LIF: variants seen among roughly 807,000 people sequenced by gnomAD.
LIF encodes leukemia inhibitory factor.
LIF carries 9 observed loss-of-function variants against 15.0 expected under a neutral mutation model. The ratio of observed to expected loss-of-function variants is 0.60; its 90% CI spans 0.36 to 1.04. The LOEUF (loss-of-function observed/expected upper bound fraction) is 1.04, where lower values mean the gene tolerates loss of function less well. Among genes scored for constraint, LIF ranks in the 50% least tolerant of loss-of-function variants. The probability of loss-of-function intolerance (pLI) is 0.01; values close to 1 mark genes in which losing one functional copy is unlikely to be tolerated. For synonymous variants in LIF, 122 were observed against 119.7 expected, an observed-to-expected ratio of 1.02 and a Z score of -0.13; for missense variants, 240 against 266.7, an observed-to-expected ratio of 0.90 and a Z score of 0.70.
At position 30,243,737 on chromosome 22, in the gene LIF, T is replaced by A; in HGVS notation, c.523A>T (p.Lys175Ter). The A allele has an allele frequency of 6.2e-7, 1 of 1,614,238 alleles. No homozygotes were observed. The highest frequency in any genetic ancestry group is 8.5e-7 in the Non-Finnish European group (1 of 1,180,038). The change falls in exon 3 of 3, where the codon AAG (lysine) becomes TAG (stop). Residue 175 changes from lysine to a stop codon, truncating the protein, a stop_gained. Coordinates refer to ENST00000249075, the MANE Select transcript of LIF (RefSeq NM_002309.5). LOFTEE classifies it high-confidence loss of function. The surrounding 1 kb of genome is among the most constrained non-coding windows in gnomAD (Gnocchi z 6.0). The part of the protein sequence containing the change: ...DVTYGPDTSG[K>*]DVFQKKKLGC... ...AGCTTCTTCTTCTGGAAGACATCCTTACCCGAGGTGTCAGGGCCGTAGGTC... is the reference window on the plus strand; with the variant it reads ...AGCTTCTTCTTCTGGAAGACATCCTAACCCGAGGTGTCAGGGCCGTAGGTC...
In LIF at chr22:30,244,875, G is replaced by A. The variant is rs759268992; in HGVS notation, c.78C>T (p.Pro26=). The A allele has an allele frequency of 1.9e-6, 3 of 1,614,076 alleles. No homozygotes were observed. The highest frequency in any genetic ancestry group is 3.3e-5 in the Admixed American group (2 of 60,016). The change falls in exon 2 of 3, where the codon CCC becomes CCT. Residue 26 remains proline, a synonymous_variant. Coordinates refer to ENST00000249075, the MANE Select transcript of LIF (RefSeq NM_002309.5). ...HWKHGAGSPL[P]ITPVNATCAI... is the part of the protein sequence containing the mutation. Reference sequence around the variant, plus strand: ...CACAGGTGGCGTTGACAGGGGTGATGGGGAGGGGGCTCCCCGCCCCATGTT... The same window carrying A: ...CACAGGTGGCGTTGACAGGGGTGATAGGGAGGGGGCTCCCCGCCCCATGTT...
rs759770301 is a variant in LIF, at chr22:30,243,981, G to A, written c.279C>T (p.His93=). ...GCTTGGCCTTCTCCGTGCCGTTGGC[G>A]TGGAAGGGCGGGAAGTCCGTCACGT... ...GPNVTDFPPF[H]ANGTEKAKLV... is the part of the protein sequence containing the mutation. Residue 93 remains histidine (H), a synonymous_variant, in exon 3 of 3, where the codon CAC becomes CAT. Coordinates refer to ENST00000249075, the MANE Select transcript of LIF (RefSeq NM_002309.5). The surrounding 1 kb of genome is among the most constrained non-coding windows in gnomAD (Gnocchi z 6.0). 1.4e-5 allele frequency: 22 copies of A among 1,613,920 alleles called. No individual in the cohort carries two copies. The highest frequency in any genetic ancestry group is 3.3e-5 in the Admixed American group (2 of 60,004).
rs1236651654 is a variant in LIF at position 30,242,422 on chromosome 22, C to T, written c.*1229G>A. ...TGAGCTTCACCCGTAAGGCTTATTC[C>T]ACTTGTAACATTGTCGACTTCCAGA... is the stretch of plus-strand genomic sequence containing the variant. On this transcript the variant is annotated 3_prime_UTR_variant, in exon 3 of 3. Transcript: ENST00000249075. 6.5e-6 allele frequency: 1 copy of T among 152,720 alleles called. No individual in the cohort carries two copies. Among genetic ancestry groups the T allele is most frequent in the African/African-American group, 2.4e-5 (1 of 41,422 alleles). 9.5% of individuals were successfully genotyped at this position (152,720 alleles called of 1,614,324 possible).
rs765232963 is a variant in LIF at position 30,243,713 on chromosome 22, GCTT to G, written c.544_546del (p.Lys182del). ...TACTTCCCCAGGAGTTGACAGCCCA[GCTT>G]CTTCTTCTGGAAGACATCCTTACCC... On this transcript the variant is annotated inframe_deletion, in exon 3 of 3. Coordinates refer to ENST00000249075, the MANE Select transcript of LIF (RefSeq NM_002309.5). The surrounding 1 kb of genome is among the most constrained non-coding windows in gnomAD (Gnocchi z 6.0). 1.2e-6 allele frequency: 2 copies of G among 1,614,254 alleles called. No homozygotes were observed. The highest frequency in any genetic ancestry group is 1.7e-6 in the Non-Finnish European group (2 of 1,180,038).
At position 30,243,575 on chromosome 22, in the gene LIF, C is replaced by A. The variant is rs1030504957; in HGVS notation, c.*76G>T. On this transcript the variant is annotated 3_prime_UTR_variant, in exon 3 of 3. Transcript: ENST00000249075. The surrounding 1 kb of genome is among the most constrained non-coding windows in gnomAD (Gnocchi z 6.0). ...GTTTAGCGATGCCCTGGGCCCCAGC[C>A]ACCCTTGGACAGGCCCCCACATCTG... 6.3e-7 allele frequency: 1 copy of A among 1,597,060 alleles called. No individual in the cohort carries two copies. The highest frequency in any genetic ancestry group is 1.3e-5 in the African/African-American group (1 of 74,698).
intron 2 of LIF, 101 bp from the exon 3 acceptor site, chr22:30,244,162 G>C: frequency 7.8e-6 from 9 of 1,149,808 alleles, no homozygotes; most frequent in Non-Finnish European, 1.1e-5. Flanking sequence ...CCCATCTAGC[G>C]CATGAGGACC....
Position 30,245,945 on chromosome 22 carries a change from C to G in LIF, c.19+732G>C, listed in dbSNP as rs555888845. On this transcript the variant is annotated intron_variant, in intron 1 of 2. Transcript: ENST00000249075. ...CCGACTCCCCCCAGGCCCCCTTAGA[C>G]GCTTTTCCAGGGCTCTGCAGAAGGG... Among the ~76,000 whole-genome samples the G allele has an allele frequency of 6.3e-3, 966 of 152,354 alleles. 7 individuals are homozygous for G. The highest frequency in any genetic ancestry group is 0.022 in the African/African-American group (895 of 41,592).
Position 30,243,563 on chromosome 22 carries a change from C to T in LIF, c.*88G>A, listed in dbSNP as rs900197966. ...GCCCCCATTTGGGTTTAGCGATGCC[C>T]TGGGCCCCAGCCACCCTTGGACAGG... On this transcript the variant is annotated 3_prime_UTR_variant, in exon 3 of 3. Coordinates refer to ENST00000249075, the MANE Select transcript of LIF (RefSeq NM_002309.5). The surrounding 1 kb of genome is among the most constrained non-coding windows in gnomAD (Gnocchi z 6.0). 3.8e-6 allele frequency: 6 copies of T among 1,573,008 alleles called. No individual in the cohort carries two copies. The highest frequency in any genetic ancestry group is 2.7e-5 in the African/African-American group (2 of 74,282).
chr22:30,240,758 A>G lies in LIF; in HGVS notation c.*2893T>C, dbSNP rs1843180645. On this transcript the variant is annotated 3_prime_UTR_variant, in exon 3 of 3. Coordinates refer to ENST00000249075, the MANE Select transcript of LIF (RefSeq NM_002309.5). Reference sequence around the variant, plus strand: ...AACTAGAGATGACTCTAAGGCAGGAACATCTGTACCATCTGCAGGGAAATG... The same window carrying G: ...AACTAGAGATGACTCTAAGGCAGGAGCATCTGTACCATCTGCAGGGAAATG... 6.6e-6 allele frequency: 1 copy of G among 152,388 alleles called. No individual in the cohort carries two copies. Among genetic ancestry groups the G allele is most frequent in the South Asian group, 2.1e-4 (1 of 4,816 alleles). 9.4% of individuals were successfully genotyped at this position (152,388 alleles called of 1,614,324 possible). A position where few individuals can be genotyped will look rare whatever the true frequency, so the allele number is the denominator to read the frequency against.
At position 30,243,799 on chromosome 22, in the gene LIF, C is replaced by T. The variant is rs762735898; in HGVS notation, c.461G>A (p.Arg154His). 9.9e-6 allele frequency: 16 copies of T among 1,614,204 alleles called. No homozygotes were observed. The highest frequency in any genetic ancestry group is 1.7e-5 in the Admixed American group (1 of 60,028). ...LRGLLSNVLC[R>H]LCSKYHVGHV... ...GCCCACGTGGTACTTGCTGCACAGG[C>T]GGCACAGCACGTTGCTAAGGAGGCC... Residue 154 changes from arginine (R) to histidine (H), a missense_variant, in exon 3 of 3, where the codon CGC becomes CAC. Transcript: ENST00000249075. This position sits in a 1 kb window ranked among gnomAD's most constrained non-coding sequence, Gnocchi z 6.0.
At chr22:30,244,581 T>C (rs905994714) in intron 2 of LIF, among the ~76,000 whole-genome samples, 174 bp downstream of exon 2, 1 of 152,098 alleles carries the variant, frequency 6.6e-6, no homozygotes, top group African/African-American at 2.4e-5. Context: ...GAAGCTTCCC[T>C]GGGGAAGCTT....
intron 1 of LIF, among the ~76,000 whole-genome samples, chr22:30,245,388 C>A (rs1267229247): frequency 6.6e-6 from 1 of 152,190 alleles, no homozygotes; most frequent in African/African-American, 2.4e-5. Context: ...TTCCCACTCA[C>A]TGGCCCATTG....
In LIF at chr22:30,244,809, G is replaced by A; in HGVS notation, c.144C>T (p.Ile48=). 1.2e-6 allele frequency: 2 copies of A among 1,614,168 alleles called. No homozygotes were observed. Among genetic ancestry groups the A allele is most frequent in the Non-Finnish European group, 1.7e-6 (2 of 1,180,018 alleles). ...CATTGAGCTGTGCCAGTTGGCTCCT[G>A]ATCTGGTTCATGAGGTTGTTGTGAC... The part of the protein sequence containing the change: ...HPCHNNLMNQ[I]RSQLAQLNGS... The change falls in exon 2 of 3, where the codon ATC becomes ATT. Residue 48 remains isoleucine, a synonymous_variant. Transcript: ENST00000249075.
chr22:30,243,795 C>G lies in LIF; in HGVS notation c.465G>C (p.Leu155=). The change falls in exon 3 of 3, where the codon CTG becomes CTC. Residue 155 remains leucine (L), a synonymous_variant. Transcript: ENST00000249075. This position sits in a 1 kb window ranked among gnomAD's most constrained non-coding sequence, Gnocchi z 6.0. The part of the protein sequence containing the change: ...RGLLSNVLCR[L]CSKYHVGHVD... ...CATGGCCCACGTGGTACTTGCTGCA[C>G]AGGCGGCACAGCACGTTGCTAAGGA... 6.2e-7 allele frequency: 1 copy of G among 1,614,238 alleles called. No homozygotes were observed. The highest frequency in any genetic ancestry group is 8.5e-7 in the Non-Finnish European group (1 of 1,180,026).
chr22:30,243,782 G>A lies in LIF; in HGVS notation c.478C>T (p.His160Tyr). ...NVLCRLCSKY[H>Y]VGHVDVTYGP... ...TAGGTCACGTCCACATGGCCCACGT[G>A]GTACTTGCTGCACAGGCGGCACAGC... Residue 160 changes from histidine to tyrosine, a missense_variant, in exon 3 of 3, where the codon CAC becomes TAC. By Grantham distance (83) the His-to-Tyr change is moderately conservative. Coordinates refer to ENST00000249075, the MANE Select transcript of LIF (RefSeq NM_002309.5). The surrounding 1 kb of genome is among the most constrained non-coding windows in gnomAD (Gnocchi z 6.0). 6.2e-7 allele frequency: 1 copy of A among 1,614,240 alleles called. No individual in the cohort carries two copies. The highest frequency in any genetic ancestry group is 8.5e-7 in the Non-Finnish European group (1 of 1,180,040).
chr22:30,243,680 T>C lies in LIF; in HGVS notation c.580A>G (p.Ile194Val). ...GCQLLGKYKQ[I>V]IAVLAQAF is the part of the protein sequence containing the mutation. Reference sequence around the variant, plus strand: ...AAGGCCTGGGCCAACACGGCGATGATCTGCTTATACTTCCCCAGGAGTTGA... The same window carrying C: ...AAGGCCTGGGCCAACACGGCGATGACCTGCTTATACTTCCCCAGGAGTTGA... Residue 194 changes from isoleucine to valine, a missense_variant, in exon 3 of 3, where the codon ATC becomes GTC. Transcript: ENST00000249075. This position sits in a 1 kb window ranked among gnomAD's most constrained non-coding sequence, Gnocchi z 6.0. The C allele has an allele frequency of 1.9e-6, 3 of 1,614,224 alleles. No homozygotes were observed. The highest frequency in any genetic ancestry group is 2.5e-6 in the Non-Finnish European group (3 of 1,180,034).
Position 30,244,824 on chromosome 22 carries a change from G to A in LIF, c.129C>T (p.Asn43=), listed in dbSNP as rs1032296073. The A allele has an allele frequency of 5.0e-6, 8 of 1,614,088 alleles. No individual in the cohort carries two copies. The East Asian group carries it at 1.1e-4, about 22-fold the overall frequency. ...TCAIRHPCHN[N]LMNQIRSQLA... ...GTTGGCTCCTGATCTGGTTCATGAG[G>A]TTGTTGTGACATGGGTGGCGTATGG... Residue 43 remains asparagine (N), a synonymous_variant, in exon 2 of 3, where the codon AAC becomes AAT. Coordinates refer to ENST00000249075, the MANE Select transcript of LIF (RefSeq NM_002309.5).
At position 30,242,171 on chromosome 22, in the gene LIF, AG is replaced by A. The variant is rs1259998591; in HGVS notation, c.*1479del. ...TGCTCCAGGGGGCACAATATCTGCCAGGAACAGTGCGCCTCACAACACAATG... is the reference window on the plus strand; with the variant it reads ...TGCTCCAGGGGGCACAATATCTGCCAGAACAGTGCGCCTCACAACACAATG... On this transcript the variant is annotated 3_prime_UTR_variant, in exon 3 of 3. Coordinates refer to ENST00000249075, the MANE Select transcript of LIF (RefSeq NM_002309.5). The A allele has an allele frequency of 6.5e-6, 1 of 152,692 alleles. No individual in the cohort carries two copies. Among genetic ancestry groups the A allele is most frequent in the African/African-American group, 2.4e-5 (1 of 41,438 alleles). 9.5% of individuals were successfully genotyped at this position (152,692 alleles called of 1,614,324 possible).
At chr22:30,245,083 T>C (rs1415450148) in intron 1 of LIF, 150 bp from the exon 2 acceptor site, 1 of 734,312 alleles carries the variant, frequency 1.4e-6, no homozygotes, top group Non-Finnish European at 2.4e-6. Flanking sequence ...TGGGGCCTAG[T>C]CTTCACTCTG....
Sources: gnomAD v4.1 joint callset for allele counts (sites outside exome capture counted in the v4.1 genomes callset) on GRCh38, gnomAD v4.1.1 for gene constraint, Gnocchi (gnomAD v3.1) non-coding constraint, MANE v1.5 for transcripts, NCBI Gene and HGNC (gene_info 2026-07-23, HGNC 2026-07-21) for gene names.